CD163L1: variants seen among roughly 807,000 people sequenced by gnomAD.
The protein encoded by CD163L1 is scavenger receptor cysteine-rich type 1 protein M160.
In CD163L1, 124 loss-of-function variants were observed where a neutral mutation model predicts 165.4. That is an observed-to-expected ratio of 0.75 (90% CI 0.65 to 0.87). The LOEUF (loss-of-function observed/expected upper bound fraction) is 0.87. CD163L1 is among the 40% of genes least tolerant of loss of function. The pLI is 0.00. For synonymous variants in CD163L1, 585 were observed against 662.2 expected (o/e 0.88, Z 1.79); for missense variants, 1,525 against 1,799.9 (o/e 0.85, Z 2.76).
At chr12:7,324,599 G>A in the CD163L1 span, 24 of 1,613,442 alleles carry the variant, frequency 1.5e-5, no homozygotes, top group South Asian at 2.2e-5. Context: ...CCGCGGAGAG[G>A]TAGATGAATG....
At chr12:7,405,051 T>C (rs1342415786) in intron 5 of CD163L1, among the ~76,000 whole-genome samples, 2 of 152,188 alleles carry the variant, frequency 1.3e-5, no homozygotes, top group East Asian at 3.9e-4. Flanking sequence ...GGGTTGGCCA[T>C]ACACATCTGT....
intron 6 of CD163L1, among the ~76,000 whole-genome samples, chr12:7,403,063 G>A (rs971348828): frequency 5.3e-5 from 8 of 151,816 alleles, no homozygotes; most frequent in Admixed American, 6.6e-5. Flanking sequence ...CATTCTAGAT[G>A]CTTACAGAAT....
rs566622582 is a variant in CD163L1 at position 7,398,367 on chromosome 12, G to A, written c.1626C>T (p.Asp542=). 549 of 1,614,088 alleles carry A rather than the reference G, an allele frequency of 3.4e-4. 6 individuals carry two copies. In the South Asian group the frequency reaches 5.5e-3, roughly 16 times the overall value. ...TTGACTCATTTCCAATGCAAGAAAC[G>A]TCATCCAGCCAAATAGGTCCTGATG... The part of the protein sequence containing the change: ...KEASGPIWLD[D]VSCIGNESNI... Residue 542 remains aspartate, a synonymous_variant, in exon 7 of 20, where the codon GAC becomes GAT. Coordinates refer to ENST00000313599, the MANE Select transcript of CD163L1 (RefSeq NM_174941.6). The surrounding 1 kb of genome is among the most constrained non-coding windows in gnomAD (Gnocchi z 4.5).
Position 7,433,502 on chromosome 12 carries a change from C to A in CD163L1, c.317G>T (p.Arg106Ile). 1 of 1,614,152 alleles carries A rather than the reference C, an allele frequency of 6.2e-7. No homozygotes were observed. The highest frequency in any genetic ancestry group is 8.5e-7 in the Non-Finnish European group (1 of 1,180,000). Residue 106 changes from arginine (R) to isoleucine (I), a missense_variant, in exon 3 of 20, where the codon AGA becomes ATA. Arg to Ile is a moderately conservative substitution (Grantham distance 97). Transcript: ENST00000313599. ...ATCATCAAGCCAAATTTTTCCATGT[C>A]TAGTCACGGCTTGTCCAAAACGAAA... The part of the protein sequence containing the change: ...AMFRFGQAVT[R>I]HGKIWLDDVS...
At chr12:7,344,091 G>GT (rs1946653969), downstream of CD163L1, among the ~76,000 whole-genome samples, 2 of 149,006 alleles carry the variant, frequency 1.3e-5, no homozygotes, top group African/African-American at 4.9e-5. Flanking sequence ...TTTTTTGTTT[G>GT]TTTTTTTTGA....
At chr12:7,357,261 G>A (rs984195607) in intron 19 of CD163L1, 119 bp downstream of exon 19, 5 of 593,898 alleles carry the variant, frequency 8.4e-6, no homozygotes, top group African/African-American at 7.5e-5. Flanking sequence ...TGAAATACTG[G>A]GGATATGAAC....
At chr12:7,389,960 T>TTATATATATATATA (rs59235889) in intron 8 of CD163L1, among the ~76,000 whole-genome samples, 61 of 135,934 alleles carry the variant, frequency 4.5e-4, no homozygotes, top group South Asian at 1.9e-3. Flanking sequence ...ATATATATAT[T>TTATATATATATATA]TATATATATA....
Position 7,403,803 on chromosome 12 carries a change from C to T in CD163L1, c.1140G>A (p.Gly380=), listed in dbSNP as rs766325870. The T allele has an allele frequency of 2.5e-6, 4 of 1,613,748 alleles. No homozygotes were observed. Among genetic ancestry groups the T allele is most frequent in the Non-Finnish European group, 3.4e-6 (4 of 1,179,896 alleles). ...RLADGSNNCS[G]RVEVRIHEQW... ...GTTCATGAATTCTCACCTCTACTCTCCCTGAACAATTGTTACTTCCATCTG... is the reference window on the plus strand; with the variant it reads ...GTTCATGAATTCTCACCTCTACTCTTCCTGAACAATTGTTACTTCCATCTG... Residue 380 remains glycine, a synonymous_variant, in exon 6 of 20, where the codon GGG becomes GGA. Transcript: ENST00000313599.
At chr12:7,433,072 ACTT>A (rs1231334610) in intron 3 of CD163L1, among the ~76,000 whole-genome samples, 10 of 152,220 alleles carry the variant, frequency 6.6e-5, no homozygotes, top group African/African-American at 2.4e-4. Context: ...CTGCTCCCAA[ACTT>A]CTTCATTTCT....
the CD163L1 span, among the ~76,000 whole-genome samples, chr12:7,333,604 T>C: frequency 6.6e-6 from 1 of 151,978 alleles, no homozygotes; most frequent in Non-Finnish European, 1.5e-5. Flanking sequence ...AGCAAACACA[T>C]TCAAAAGCTA....
At chr12:7,394,566 T>C (rs1219551489) in intron 8 of CD163L1, among the ~76,000 whole-genome samples, 1 of 152,020 alleles carries the variant, frequency 6.6e-6, no homozygotes, top group Non-Finnish European at 1.5e-5. Flanking sequence ...CCAAAAGCAA[T>C]GGCAACAAAA....
chr12:7,401,745 GAAACAT>G (rs1947919451), intron 6 of CD163L1, among the ~76,000 whole-genome samples: 1 of 151,848 alleles, frequency 6.6e-6, no homozygotes, highest in Admixed American at 6.6e-5. Context: ...ACACAATCCA[GAAACAT>G]AAACAACAAA....
At chr12:7,433,757 G>A (rs183682735) in intron 2 of CD163L1, 63 bp from the exon 3 acceptor site, 143 of 1,207,408 alleles carry the variant, frequency 1.2e-4, no homozygotes, top group Middle Eastern at 9.9e-4. Flanking sequence ...AATAATATAA[G>A]TAGGTGAGAT....
At chr12:7,365,221 A>G (rs924280942) in intron 18 of CD163L1, among the ~76,000 whole-genome samples, 22 of 152,168 alleles carry the variant, frequency 1.4e-4, no homozygotes, top group African/African-American at 4.8e-4. Context: ...CCACATGCAC[A>G]AGAATGAAAC....
chr12:7,380,859 G>A (rs1200973709), intron 8 of CD163L1, among the ~76,000 whole-genome samples: 3 of 152,106 alleles, frequency 2.0e-5, no homozygotes, highest in African/African-American at 7.2e-5. Flanking sequence ...GTCAGCTTTT[G>A]AAGGAAATTT....
At chr12:7,437,859 C>T (rs1948760208) in intron 2 of CD163L1, among the ~76,000 whole-genome samples, 2 of 151,174 alleles carry the variant, frequency 1.3e-5, no homozygotes, top group South Asian at 4.2e-4. Flanking sequence ...CAAAACCCAA[C>T]ACCAGTTTTC....
chr12:7,320,491 T>C, the CD163L1 span, among the ~76,000 whole-genome samples: 2 of 152,388 alleles, frequency 1.3e-5, no homozygotes, highest in East Asian at 3.9e-4. Context: ...TTGAATTAGA[T>C]TGTGTATGTC....
chr12:7,393,032 A>T (rs1229494403), intron 8 of CD163L1, among the ~76,000 whole-genome samples: 1 of 152,200 alleles, frequency 6.6e-6, no homozygotes, highest in East Asian at 1.9e-4. Flanking sequence ...AAACTAATCT[A>T]ATCAACAGAA....
chr12:7,335,096 C>T, the CD163L1 span, among the ~76,000 whole-genome samples: 4 of 152,116 alleles, frequency 2.6e-5, no homozygotes, highest in South Asian at 4.2e-4. Flanking sequence ...AATGCCATCC[C>T]CATCAAGCTA....
Sources: gnomAD v4.1 joint callset for allele counts (sites outside exome capture counted in the v4.1 genomes callset) on GRCh38, gnomAD v4.1.1 for gene constraint, Gnocchi (gnomAD v3.1) non-coding constraint, MANE v1.5 for transcripts, NCBI Gene and HGNC (gene_info 2026-07-23, HGNC 2026-07-21) for gene names.